Variants in LIX1 observed in about 807,000 individuals in gnomAD.
LIX1 encodes limb and CNS expressed 1, also known as protein limb expression 1 homolog.
A neutral mutation model predicts 33.4 loss-of-function variants in LIX1; 24 were observed. That is an observed-to-expected ratio of 0.72 (90% CI 0.52 to 1.01). LIX1 has a LOEUF of 1.01. Ranked by LOEUF, LIX1 falls within the 50% of genes least tolerant of loss-of-function variation. The probability of loss-of-function intolerance (pLI) is 0.00; values close to 1 mark genes in which losing one functional copy is unlikely to be tolerated. For missense variants in LIX1, 311 were observed against 339.2 expected, an observed-to-expected ratio of 0.92 and a Z score of 0.65; for synonymous variants, 124 against 124.0, an observed-to-expected ratio of 1.00 and a Z score of 0.00.
At chr5:97,139,217 C>G (rs963458634) in intron 1 of LIX1, among the ~76,000 whole-genome samples, 5 of 152,156 alleles carry the variant, frequency 3.3e-5, no homozygotes, top group Non-Finnish European at 5.9e-5. Context: ...ACAATTGTAC[C>G]TACATTACTA....
intron 1 of LIX1, among the ~76,000 whole-genome samples, chr5:97,125,061 T>A (rs1235871586): frequency 6.6e-6 from 1 of 152,198 alleles, no homozygotes. Context: ...TTCTCATAGA[T>A]TCTTAAGCCT....
At chr5:97,135,228 A>G (rs1479715978) in intron 1 of LIX1, among the ~76,000 whole-genome samples, 13 of 152,260 alleles carry the variant, frequency 8.5e-5, no homozygotes, top group Non-Finnish European at 1.9e-4. Context: ...GAAAATTTAA[A>G]TAACACTTAT....
At chr5:97,100,661 T>C (rs544678672) in intron 4 of LIX1, among the ~76,000 whole-genome samples, 36 of 152,298 alleles carry the variant, frequency 2.4e-4, no homozygotes, top group Admixed American at 1.2e-3. Context: ...AATCCTTGCA[T>C]GATTGCAGAG....
chr5:97,105,197 T>A lies in LIX1; in HGVS notation c.476A>T (p.Glu159Val). The A allele has an allele frequency of 6.2e-7, 1 of 1,613,904 alleles. No homozygotes were observed. The highest frequency in any genetic ancestry group is 8.5e-7 in the Non-Finnish European group (1 of 1,179,806). Reference protein sequence around the residue: ...LESNMGKTMLEFQELMTIFQL... With the variant: ...LESNMGKTMLVFQELMTIFQL... ...TGGCAGGCAGGCAGGTACCTGAAACTCCAGCATAGTCTTCCCCATGTTTGA... is the reference window on the plus strand; with the variant it reads ...TGGCAGGCAGGCAGGTACCTGAAACACCAGCATAGTCTTCCCCATGTTTGA... The change falls in exon 4 of 6, where the codon GAG becomes GTG. Residue 159 changes from glutamate to valine, a missense_variant. Coordinates refer to ENST00000274382, the MANE Select transcript of LIX1 (RefSeq NM_153234.5).
intron 1 of LIX1, among the ~76,000 whole-genome samples, chr5:97,135,327 TA>T (rs1451240643): frequency 6.6e-6 from 1 of 152,138 alleles, no homozygotes; most frequent in Non-Finnish European, 1.5e-5. Flanking sequence ...AAAGACAAAT[TA>T]AAAAGTTTTT....
intron 1 of LIX1, among the ~76,000 whole-genome samples, chr5:97,129,217 G>C (rs1435034341): frequency 6.6e-6 from 1 of 151,920 alleles, no homozygotes; most frequent in Non-Finnish European, 1.5e-5. Flanking sequence ...TCTTTTTCAA[G>C]ACTTGCTTCC....
chr5:97,138,080 A>T (rs1434255603), intron 1 of LIX1, among the ~76,000 whole-genome samples: 2 of 152,218 alleles, frequency 1.3e-5, no homozygotes, highest in East Asian at 3.8e-4. Context: ...CATGCAGAAA[A>T]ATGTTCTCCC....
intron 2 of LIX1, among the ~76,000 whole-genome samples, chr5:97,107,824 A>G (rs906722927): frequency 6.6e-6 from 1 of 152,222 alleles, no homozygotes; most frequent in African/African-American, 2.4e-5. Context: ...GATAATTTAT[A>G]TTCATTATCA....
chr5:97,097,432 T>A (rs891747957), intron 4 of LIX1, among the ~76,000 whole-genome samples: 7 of 152,174 alleles, frequency 4.6e-5, no homozygotes, highest in Admixed American at 4.6e-4. Flanking sequence ...CAGTGTGTAA[T>A]GTGTGCTACT....
intron 2 of LIX1, among the ~76,000 whole-genome samples, chr5:97,115,899 G>C (rs540690143): frequency 1.2e-4 from 19 of 152,276 alleles, no homozygotes; most frequent in African/African-American, 3.8e-4. Flanking sequence ...ATAGCACATG[G>C]TACCCAAGGG....
chr5:97,102,390 G>T (rs1018234692), intron 4 of LIX1, among the ~76,000 whole-genome samples: 5 of 152,038 alleles, frequency 3.3e-5, no homozygotes, highest in African/African-American at 1.2e-4. Flanking sequence ...GGCCACTAAG[G>T]AATGTGCCAG....
Position 97,136,606 on chromosome 5 carries a change from A to G in LIX1, c.82+5889T>C, listed in dbSNP as rs146217854. Among the ~76,000 whole-genome samples, 122 of 152,318 alleles carry G rather than the reference A, an allele frequency of 8.0e-4. 1 individual carries two copies. The highest frequency in any genetic ancestry group is 2.9e-3 in the African/African-American group (120 of 41,576). On this transcript the variant is annotated intron_variant, in intron 1 of 5. Coordinates refer to ENST00000274382, the MANE Select transcript of LIX1 (RefSeq NM_153234.5). ...CCACATTGAAGCTGTAACACTTAGT[A>G]CAGAGCCACATGAGGGAAATGTAAA... is the stretch of plus-strand genomic sequence containing the variant.
intron 1 of LIX1, chr5:97,137,126 A>G (rs569879339): frequency 6.8e-6 from 3 of 444,272 alleles, no homozygotes; most frequent in Admixed American, 2.4e-5. Flanking sequence ...GTATCCTATT[A>G]TGGGCTGTAA....
chr5:97,096,839 C>A lies in LIX1; in HGVS notation c.532G>T (p.Ala178Ser). The A allele has an allele frequency of 6.2e-7, 1 of 1,614,024 alleles. No individual in the cohort carries two copies. The highest frequency in any genetic ancestry group is 8.5e-7 in the Non-Finnish European group (1 of 1,179,884). The part of the protein sequence containing the change: ...QLLHWNGSLK[A>S]LRETKCSRQE... ...CGGGAACACTTTGTTTCACGAAGGG[C>A]TTTTAGGCTTCCATTCCAGTGCAAT... Residue 178 changes from alanine to serine, a missense_variant, in exon 5 of 6, where the codon GCC (alanine) becomes TCC (serine). Coordinates refer to ENST00000274382, the MANE Select transcript of LIX1 (RefSeq NM_153234.5).
intron 4 of LIX1, among the ~76,000 whole-genome samples, chr5:97,097,760 T>A (rs31018): frequency 0.17 from 25,908 of 152,176 alleles, 2,829 homozygotes; most frequent in Non-Finnish European, 0.24. Flanking sequence ...GCTTAATAGA[T>A]CAAATCAAAA....
chr5:97,135,593 C>T (rs374400344), intron 1 of LIX1, among the ~76,000 whole-genome samples: 2 of 152,122 alleles, frequency 1.3e-5, no homozygotes, highest in African/African-American at 2.4e-5. Flanking sequence ...CCGAGGTGGG[C>T]GGATCACTTG....
intron 1 of LIX1, among the ~76,000 whole-genome samples, chr5:97,136,840 A>G (rs1748183082): frequency 6.6e-6 from 1 of 152,202 alleles, no homozygotes; most frequent in African/African-American, 2.4e-5. Context: ...TATTTTGTCA[A>G]TCTTTCAATA....
intron 2 of LIX1, among the ~76,000 whole-genome samples, chr5:97,115,174 T>C (rs1470993484): frequency 6.6e-6 from 1 of 152,234 alleles, no homozygotes; most frequent in Non-Finnish European, 1.5e-5. Flanking sequence ...TGTTGACCAG[T>C]AGGCTGTCCT....
At chr5:97,134,200 G>T (rs1412589896) in intron 1 of LIX1, among the ~76,000 whole-genome samples, 3 of 152,180 alleles carry the variant, frequency 2.0e-5, no homozygotes, top group Non-Finnish European at 4.4e-5. Flanking sequence ...GCTCACTGCA[G>T]CCTCCACCTC....
Sources: allele counts gnomAD v4.1 joint callset (sites outside exome capture counted in the v4.1 genomes callset), GRCh38; gene constraint gnomAD v4.1.1; transcripts MANE v1.5; gene names NCBI Gene and HGNC (gene_info 2026-07-23, HGNC 2026-07-21).